The following CGNL1 variants were observed in gnomAD, a reference collection of about 807,000 sequenced individuals.
CGNL1 encodes cingulin like 1, also known as cingulin-like protein 1.
In CGNL1, 132 loss-of-function variants were observed where a neutral mutation model predicts 141.2. That is an observed-to-expected ratio of 0.93 (90% CI 0.81 to 1.08). CGNL1 has a LOEUF of 1.08. Ranked by LOEUF, CGNL1 falls within the 50% of genes least tolerant of loss-of-function variation. The pLI, the probability that CGNL1 is intolerant of heterozygous loss-of-function variation, is 0.00. For synonymous variants in CGNL1, 690 were observed against 622.1 expected (o/e 1.11, Z -1.63); for missense variants, 1,870 against 1,588.6 (o/e 1.18, Z -3.01).
rs7167337 is a variant in CGNL1, at chr15:57,486,438, C to T, written c.2403+24546C>T. Among the ~76,000 whole-genome samples, 396 of 152,262 alleles carry T rather than the reference C, an allele frequency of 2.6e-3. 2 individuals carry two copies. Among genetic ancestry groups the T allele is most frequent in the African/African-American group, 9.0e-3 (373 of 41,538 alleles). ...GTTGGAAAGCCAGACAGATACTGGG[C>T]GCTTCTGCAAGAGTTATAAACTGTT... On this transcript the variant is annotated intron_variant, in intron 8 of 18. Coordinates refer to ENST00000281282, the MANE Select transcript of CGNL1 (RefSeq NM_032866.5).
chr15:57,388,141 G>A (rs1332103011), intron 1 of CGNL1, among the ~76,000 whole-genome samples: 1 of 152,202 alleles, frequency 6.6e-6, no homozygotes, highest in Non-Finnish European at 1.5e-5. Flanking sequence ...AAAGCATTTA[G>A]GAGAGCAGTG....
chr15:57,443,704 T>C (rs2063218648), intron 4 of CGNL1, among the ~76,000 whole-genome samples: 1 of 152,232 alleles, frequency 6.6e-6, no homozygotes, highest in South Asian at 2.1e-4. Flanking sequence ...TCCTTGCATA[T>C]ACATAGCCTT....
intron 8 of CGNL1, among the ~76,000 whole-genome samples, chr15:57,479,293 G>C (rs139425724): frequency 3.9e-4 from 60 of 152,352 alleles, no homozygotes; most frequent in African/African-American, 1.3e-3. Flanking sequence ...GGGGTCATGG[G>C]AAAGGAAGGG....
rs557394007 is a variant in CGNL1, at chr15:57,538,442, G to A, written c.3292-5254G>A. On this transcript the variant is annotated intron_variant, in intron 14 of 18. Transcript: ENST00000281282. ...CATTTTAATAGCCATCTTTTAAGGG[G>A]CTATGGTGGGGGATAAATAATTCCT... Among the ~76,000 whole-genome samples, 15 of 151,990 alleles carry A rather than the reference G, an allele frequency of 9.9e-5. No homozygotes were observed. In the South Asian group the frequency reaches 3.1e-3, roughly 32 times the overall value.
chr15:57,430,377 G>A (rs1385259695), intron 1 of CGNL1, among the ~76,000 whole-genome samples: 1 of 152,112 alleles, frequency 6.6e-6, no homozygotes, highest in Non-Finnish European at 1.5e-5. Context: ...TAAGCCTCAA[G>A]AGGTGAAAAG....
At chr15:57,457,862 C>G (rs1375208285) in intron 7 of CGNL1, among the ~76,000 whole-genome samples, 3 of 152,132 alleles carry the variant, frequency 2.0e-5, no homozygotes, top group African/African-American at 7.2e-5. Context: ...CGCAGCCAAA[C>G]CATAATAGCA....
At chr15:57,413,766 C>T (rs1178675372) in intron 1 of CGNL1, among the ~76,000 whole-genome samples, 1 of 152,158 alleles carries the variant, frequency 6.6e-6, no homozygotes, top group Non-Finnish European at 1.5e-5. Flanking sequence ...ACCTTTTTGA[C>T]AACAATGTTG....
chr15:57,484,671 G>T (rs1211104942), intron 8 of CGNL1, among the ~76,000 whole-genome samples: 1 of 152,002 alleles, frequency 6.6e-6, no homozygotes, highest in Non-Finnish European at 1.5e-5. Context: ...TAGGTTTTAA[G>T]CCCCGCATGC....
intron 14 of CGNL1, among the ~76,000 whole-genome samples, chr15:57,534,931 G>C (rs536934602): frequency 6.6e-6 from 1 of 152,330 alleles, no homozygotes; most frequent in African/African-American, 2.4e-5. Context: ...CTCCTTTGCG[G>C]AATCTTTGCT....
chr15:57,429,679 A>G (rs144072759), intron 1 of CGNL1, among the ~76,000 whole-genome samples: 25 of 152,296 alleles, frequency 1.6e-4, no homozygotes, highest in African/African-American at 5.8e-4. Flanking sequence ...TTATTTCAGG[A>G]TATTGGTGGT....
chr15:57,400,072 C>T (rs1285959141), intron 1 of CGNL1, among the ~76,000 whole-genome samples: 1 of 151,238 alleles, frequency 6.6e-6, no homozygotes, highest in Non-Finnish European at 1.5e-5. Flanking sequence ...AAGCTCACTG[C>T]AGCTTCAAAC....
Position 57,407,905 on chromosome 15 carries a change from C to T in CGNL1, c.-15-30080C>T, listed in dbSNP as rs137931894. 6.7e-3 allele frequency among the ~76,000 whole-genome samples: 1,015 copies of T among 151,932 alleles called. 28 individuals are homozygous for T. The East Asian group carries it at 0.072, about 11-fold the overall frequency. On this transcript the variant is annotated intron_variant, in intron 1 of 18. Coordinates refer to ENST00000281282, the MANE Select transcript of CGNL1 (RefSeq NM_032866.5). ...CTGGGATTACAGATGCCCACCACCACGCCTGGCTAATTTTTACATTTTTAT... is the reference window on the plus strand; with the variant it reads ...CTGGGATTACAGATGCCCACCACCATGCCTGGCTAATTTTTACATTTTTAT...
intron 8 of CGNL1, among the ~76,000 whole-genome samples, chr15:57,476,903 C>G (rs550896149): frequency 1.3e-5 from 2 of 152,314 alleles, no homozygotes; most frequent in African/African-American, 4.8e-5. Flanking sequence ...TTGTTCCATT[C>G]CTCAGGAAAT....
chr15:57,443,777 A>G (rs1297123390), intron 4 of CGNL1, among the ~76,000 whole-genome samples: 1 of 152,174 alleles, frequency 6.6e-6, no homozygotes, highest in Non-Finnish European at 1.5e-5. Flanking sequence ...CTGAAGTCCA[A>G]ATTATCAACA....
intron 1 of CGNL1, chr15:57,398,297 TG>T (rs2062624580): frequency 6.6e-6 from 1 of 152,242 alleles, no homozygotes; most frequent in Non-Finnish European, 1.5e-5. Flanking sequence ...TTTCCTTTTT[TG>T]TTTTTTTGAA....
intron 1 of CGNL1, among the ~76,000 whole-genome samples, chr15:57,401,724 G>A (rs915440476): frequency 6.6e-6 from 1 of 152,032 alleles, no homozygotes; most frequent in East Asian, 1.9e-4. Flanking sequence ...TCCTTATGAC[G>A]CATTCTGTGG....
intron 1 of CGNL1, among the ~76,000 whole-genome samples, chr15:57,423,047 A>G (rs1400753465): frequency 6.6e-6 from 1 of 151,980 alleles, no homozygotes; most frequent in East Asian, 1.9e-4. Context: ...GGAGAGGGAG[A>G]AGAAGTGACT....
intron 8 of CGNL1, among the ~76,000 whole-genome samples, chr15:57,495,769 T>G (rs1014731049): frequency 6.6e-6 from 1 of 152,206 alleles, no homozygotes; most frequent in African/African-American, 2.4e-5. Context: ...ACCAGCCCTA[T>G]TTTCCCTGAT....
chr15:57,513,114 C>T (rs1222080381), intron 8 of CGNL1, among the ~76,000 whole-genome samples: 1 of 152,114 alleles, frequency 6.6e-6, no homozygotes. Flanking sequence ...AAAAGAAATT[C>T]CATCGCCATT....
Sources: allele counts gnomAD v4.1 joint callset (sites outside exome capture counted in the v4.1 genomes callset), GRCh38; gene constraint gnomAD v4.1.1; transcripts MANE v1.5; gene names NCBI Gene and HGNC (gene_info 2026-07-23, HGNC 2026-07-21).